DPYSL2: variants seen among roughly 807,000 people sequenced by gnomAD.
DPYSL2 encodes the protein dihydropyrimidinase-related protein 2.
In DPYSL2, 13 loss-of-function variants were observed where a neutral mutation model predicts 69.9. That is an observed-to-expected ratio of 0.19 (90% CI 0.12 to 0.30). The LOEUF (loss-of-function observed/expected upper bound fraction) is 0.30, where lower values mean the gene tolerates loss of function less well. DPYSL2 is among the 10% of genes least tolerant of loss of function. The pLI is 1.00. For missense variants in DPYSL2, 587 were observed against 918.9 expected (o/e 0.64, Z 4.67); for synonymous variants, 326 against 359.1 (o/e 0.91, Z 1.04).
Position 26,593,742 on chromosome 8 carries a change from C to A in DPYSL2, c.628+9759C>A, listed in dbSNP as rs1217798597. On this transcript the variant is annotated intron_variant, in intron 3 of 13. Coordinates refer to ENST00000521913, the MANE Select transcript of DPYSL2 (RefSeq NM_001197293.3). The surrounding 1 kb of genome is among the most constrained non-coding windows in gnomAD (Gnocchi z 5.7). ...CTGGCTGGTGGGACAGGGTGGGTGCCGGGGGCAGAGGGGAACTGGAATGTG... is the reference window on the plus strand; with the variant it reads ...CTGGCTGGTGGGACAGGGTGGGTGCAGGGGGCAGAGGGGAACTGGAATGTG... 6.6e-6 allele frequency among the ~76,000 whole-genome samples: 1 copy of A among 152,064 alleles called. No homozygotes were observed. Among genetic ancestry groups the A allele is most frequent in the Non-Finnish European group, 1.5e-5 (1 of 68,004 alleles).
intron 1 of DPYSL2, among the ~76,000 whole-genome samples, chr8:26,577,597 G>T (rs1399821063): frequency 6.7e-6 from 1 of 149,468 alleles, no homozygotes; most frequent in African/African-American, 2.4e-5. Context: ...GCCGTCTCGG[G>T]GTGCCGCCCC....
chr8:26,581,948 C>T, intron 1 of DPYSL2, 21 bp from the exon 2 acceptor site: 1 of 1,601,974 alleles, frequency 6.2e-7, no homozygotes, highest in South Asian at 1.1e-5. Flanking sequence ...GCGTTGTGAC[C>T]TTACTGCCTC....
chr8:26,570,130 G>A (rs186603544), intron 1 of DPYSL2, among the ~76,000 whole-genome samples: 4 of 152,348 alleles, frequency 2.6e-5, no homozygotes, highest in Admixed American at 1.3e-4. Context: ...CTGGCTTGGT[G>A]TCTGAAATTC....
At chr8:26,526,534 A>C (rs1208572356) in intron 1 of DPYSL2, among the ~76,000 whole-genome samples, 2 of 152,130 alleles carry the variant, frequency 1.3e-5, no homozygotes, top group Non-Finnish European at 2.9e-5. Flanking sequence ...GGCTTTATTC[A>C]TTATTTCTCT....
At chr8:26,543,234 A>G (rs1304498090) in intron 1 of DPYSL2, among the ~76,000 whole-genome samples, 4 of 152,220 alleles carry the variant, frequency 2.6e-5, no homozygotes, top group African/African-American at 4.8e-5. Context: ...GTATATTTCC[A>G]TTGAATTACT....
intron 1 of DPYSL2, among the ~76,000 whole-genome samples, chr8:26,523,811 C>T (rs1251456761): frequency 6.6e-6 from 1 of 152,148 alleles, no homozygotes; most frequent in African/African-American, 2.4e-5. Context: ...CAGGCATAAG[C>T]CACTGCCCCT....
At chr8:26,595,146 C>T (rs942670126) in intron 3 of DPYSL2, among the ~76,000 whole-genome samples, 2 of 150,772 alleles carry the variant, frequency 1.3e-5, no homozygotes, top group Non-Finnish European at 2.9e-5. Context: ...TTGCTTGAGC[C>T]CCAGAGTTTG....
chr8:26,530,110 CT>C (rs568447006), intron 1 of DPYSL2, among the ~76,000 whole-genome samples: 1 of 48,842 alleles, frequency 2.0e-5, no homozygotes, highest in African/African-American at 1.1e-4. Flanking sequence ...GAAACTCCGT[CT>C]CCAAAAAAAA....
chr8:26,615,567 T>C (rs116800799), intron 3 of DPYSL2, among the ~76,000 whole-genome samples: 176 of 152,238 alleles, frequency 1.2e-3, no homozygotes, highest in African/African-American at 3.8e-3. Context: ...TAAAGTTGTC[T>C]AGAGGCAGGT....
rs1165352648 is a variant in DPYSL2 at position 26,609,378 on chromosome 8, A to G, written c.629-14765A>G. Among the ~76,000 whole-genome samples, 2 of 152,092 alleles carry G rather than the reference A, an allele frequency of 1.3e-5. No homozygotes were observed. Among genetic ancestry groups the G allele is most frequent in the Non-Finnish European group, 2.9e-5 (2 of 68,026 alleles). ...TTCTGCACGTTGTGTATGTAAGTAG[A>G]TGTTCTTCTGTGGGGGCTGCAAGTC... On this transcript the variant is annotated intron_variant, in intron 3 of 13. Transcript: ENST00000521913. The surrounding 1 kb of genome is among the most constrained non-coding windows in gnomAD (Gnocchi z 6.5).
intron 1 of DPYSL2, among the ~76,000 whole-genome samples, chr8:26,556,106 GTATA>G (rs1236063658): frequency 1.3e-3 from 31 of 24,232 alleles, no homozygotes; most frequent in East Asian, 9.6e-3. Flanking sequence ...ATTATATATA[GTATA>G]TATATACTAT....
intron 1 of DPYSL2, among the ~76,000 whole-genome samples, chr8:26,546,921 CAAAAAAAAAAAAAAAAAA>C (rs61360009): frequency 4.3e-5 from 2 of 46,206 alleles, no homozygotes; most frequent in African/African-American, 2.3e-4. Flanking sequence ...GACTCAGTCT[CAAAAAAAAAAAAAAAAAA>C]AAAAAAAAAA....
At chr8:26,536,752 T>C in intron 1 of DPYSL2, among the ~76,000 whole-genome samples, 1 of 152,108 alleles carries the variant, frequency 6.6e-6, no homozygotes, top group Non-Finnish European at 1.5e-5. Flanking sequence ...AGGGAATAAA[T>C]TGTGTTTGAA....
chr8:26,529,184 T>C (rs1193432387), intron 1 of DPYSL2, among the ~76,000 whole-genome samples: 1 of 152,172 alleles, frequency 6.6e-6, no homozygotes, highest in Non-Finnish European at 1.5e-5. Flanking sequence ...CTGGCAATAG[T>C]AGGCCTAAGA....
intron 1 of DPYSL2, among the ~76,000 whole-genome samples, chr8:26,572,286 C>T (rs1404702793): frequency 6.6e-6 from 1 of 152,230 alleles, no homozygotes; most frequent in Non-Finnish European, 1.5e-5. Flanking sequence ...GGAACACGTT[C>T]CGGGCAGATG....
chr8:26,618,733 G>A (rs1478355753), intron 3 of DPYSL2, among the ~76,000 whole-genome samples: 1 of 138,846 alleles, frequency 7.2e-6, no homozygotes, highest in Non-Finnish European at 1.5e-5. Flanking sequence ...CTGAGGTCAG[G>A]AATTCGAGAT....
At chr8:26,567,853 C>T (rs1032817422) in intron 1 of DPYSL2, among the ~76,000 whole-genome samples, 1 of 152,234 alleles carries the variant, frequency 6.6e-6, no homozygotes, top group Non-Finnish European at 1.5e-5. Context: ...CACTTAGTCT[C>T]TCCAGGCTCC....
At chr8:26,524,572 C>T (rs6986966) in intron 1 of DPYSL2, among the ~76,000 whole-genome samples, 39 of 151,894 alleles carry the variant, frequency 2.6e-4, no homozygotes, top group Middle Eastern at 3.4e-3. Flanking sequence ...TCAAGGTGGG[C>T]GGATCACCTG....
intron 1 of DPYSL2, chr8:26,577,874 C>T (rs1280404034): frequency 1.8e-6 from 2 of 1,110,364 alleles, no homozygotes; most frequent in African/African-American, 3.4e-5. Context: ...AAGCGGATGG[C>T]TTTTGCCTGA....
Sources: gnomAD v4.1 joint callset for allele counts (sites outside exome capture counted in the v4.1 genomes callset) on GRCh38, gnomAD v4.1.1 for gene constraint, Gnocchi (gnomAD v3.1) non-coding constraint, MANE v1.5 for transcripts, NCBI Gene and HGNC (gene_info 2026-07-23, HGNC 2026-07-21) for gene names.